Variants in LYPD8 observed in about 807,000 individuals in gnomAD.
LYPD8 encodes LY6/PLAUR domain containing 8.
A neutral mutation model predicts 1.7 loss-of-function variants in LYPD8; 8 were observed. That is an observed-to-expected ratio of 4.58 (90% CI 2.69 to 8.27). LYPD8 has a LOEUF of 8.27. LYPD8 is among the 30% of genes most tolerant of loss of function. The pLI is 0.00. For synonymous variants in LYPD8, 50 were observed against 43.6 expected, an observed-to-expected ratio of 1.15 and a Z score of -0.58; for missense variants, 112 against 102.3, an observed-to-expected ratio of 1.09 and a Z score of -0.41.
At chr1:248,752,818 TC>T (rs1662833375) in intron 2 of LYPD8, among the ~76,000 whole-genome samples, 2 of 25,414 alleles carry the variant, frequency 7.9e-5, no homozygotes, top group African/African-American at 2.2e-4. Context: ...CACACACACA[TC>T]ACATCACACA....
rs1251620759 is a variant in LYPD8 at position 248,739,494 on chromosome 1, A to G, written c.*117T>C. 2 of 1,406,868 alleles carry G rather than the reference A, an allele frequency of 1.4e-6. No homozygotes were observed. Among genetic ancestry groups the G allele is most frequent in the Non-Finnish European group, 9.6e-7 (1 of 1,043,040 alleles). The allele number at this position is 1,406,868 out of a possible 1,614,324, so 87.1% of individuals were successfully genotyped here. A position where few individuals can be genotyped will look rare whatever the true frequency, so the allele number is the denominator to read the frequency against. On this transcript the variant is annotated 3_prime_UTR_variant, in exon 7 of 7. Coordinates refer to ENST00000590317, the MANE Select transcript of LYPD8 (RefSeq NM_001085474.2). This position sits in a 1 kb window ranked among gnomAD's most constrained non-coding sequence, Gnocchi z 4.3. The stretch of plus-strand genomic sequence containing the variant: ...CATTGCCTGGAGACCTGTGACTCCC[A>G]CTTACTGGGCAGTTAAACGGGGCAG...
At chr1:248,751,180 C>T (rs1662795610) in intron 2 of LYPD8, 50 bp from the exon 3 acceptor site, 1 of 398,026 alleles carries the variant, frequency 2.5e-6, no homozygotes, top group South Asian at 1.3e-4. Context: ...GGCTGCCTCT[C>T]ATCCCCTGGG....
intron 6 of LYPD8, among the ~76,000 whole-genome samples, chr1:248,743,901 G>T (rs1165608017): frequency 1.3e-5 from 2 of 152,248 alleles, no homozygotes; most frequent in Non-Finnish European, 2.9e-5. Context: ...CCTGGACTCT[G>T]CAATGAACTG....
intron 2 of LYPD8, among the ~76,000 whole-genome samples, chr1:248,752,424 CTACT>C (rs1662813987): frequency 6.6e-6 from 1 of 151,826 alleles, no homozygotes; most frequent in South Asian, 2.1e-4. Context: ...ACAATAGCTG[CTACT>C]TACTGAAACA....
chr1:248,744,992 A>T, intron 6 of LYPD8, 150 bp downstream of exon 6: 1 of 386,156 alleles, frequency 2.6e-6, no homozygotes, highest in Non-Finnish European at 4.6e-6. Context: ...AGGCTACATG[A>T]GCAGCCACTG....
chr1:248,744,271 T>C (rs1486455654), intron 6 of LYPD8, among the ~76,000 whole-genome samples: 1 of 152,168 alleles, frequency 6.6e-6, no homozygotes, highest in Non-Finnish European at 1.5e-5. Flanking sequence ...AGATACTCAC[T>C]GAAGTGCCTG....
In LYPD8 at chr1:248,753,642, A is replaced by T. The variant is rs1307977270; in HGVS notation, c.-50+1597T>A. Among the ~76,000 whole-genome samples the T allele has an allele frequency of 6.6e-4, 85 of 128,494 alleles. 2 individuals carry two copies. The highest frequency in any genetic ancestry group is 2.5e-3 in the African/African-American group (78 of 31,758). The allele number at this position is 128,494 out of a possible 152,430, so 84.3% of individuals were successfully genotyped here. A position where few individuals can be genotyped will look rare whatever the true frequency, so the allele number is the denominator to read the frequency against. On this transcript the variant is annotated intron_variant, in intron 2 of 6. Coordinates refer to ENST00000590317, the MANE Select transcript of LYPD8 (RefSeq NM_001085474.2). Reference sequence around the variant, plus strand: ...ACACAACACACACAACACACCACACATATACATCACACACCACACACCCCA... The same window carrying T: ...ACACAACACACACAACACACCACACTTATACATCACACACCACACACCCCA...
chr1:248,750,653 C>G lies in LYPD8; in HGVS notation c.53-10G>C. 1 of 398,560 alleles carries G rather than the reference C, an allele frequency of 2.5e-6. No individual in the cohort carries two copies. Among genetic ancestry groups the G allele is most frequent in the Non-Finnish European group, 4.4e-6 (1 of 226,064 alleles). 24.7% of individuals were successfully genotyped at this position (398,560 alleles called of 1,614,324 possible). A position where few individuals can be genotyped will look rare whatever the true frequency, so the allele number is the denominator to read the frequency against. The stretch of plus-strand genomic sequence containing the variant: ...ACGCAGCTCAGAGATTCTGAGGAGA[C>G]AAGACATCCAACACCAGTCAACATT... On this transcript the variant is annotated splice_polypyrimidine_tract_variant and intron_variant, in intron 3 of 6. Transcript: ENST00000590317.
chr1:248,749,962 T>C (rs1383989562), intron 4 of LYPD8, among the ~76,000 whole-genome samples: 13 of 152,000 alleles, frequency 8.6e-5, no homozygotes, highest in Admixed American at 3.9e-4. Flanking sequence ...AAAATGTTAA[T>C]AACTGCTGAC....
At position 248,739,963 on chromosome 1, in the gene LYPD8, T is replaced by C; in HGVS notation, c.476-114A>G. ...TGGCCCGGTGACCAGCAAGAGCTGG[T>C]GTGCTCCTGAAGCCCAGGCAGGAAG... On this transcript the variant is annotated intron_variant, in intron 6 of 6. Coordinates refer to ENST00000590317, the MANE Select transcript of LYPD8 (RefSeq NM_001085474.2). The surrounding 1 kb of genome is among the most constrained non-coding windows in gnomAD (Gnocchi z 4.3). The C allele has an allele frequency of 1.4e-6, 2 of 1,395,200 alleles. No homozygotes were observed. Among genetic ancestry groups the C allele is most frequent in the South Asian group, 1.3e-5 (1 of 74,386 alleles). 86.4% of individuals were successfully genotyped at this position (1,395,200 alleles called of 1,614,324 possible). A position where few individuals can be genotyped will look rare whatever the true frequency, so the allele number is the denominator to read the frequency against.
chr1:248,752,773 CACA>C (rs1662828683), intron 2 of LYPD8, among the ~76,000 whole-genome samples: 1 of 116,638 alleles, frequency 8.6e-6, no homozygotes, highest in Non-Finnish European at 1.8e-5. Flanking sequence ...ACACACCCCA[CACA>C]ACACACACCA....
intron 4 of LYPD8, among the ~76,000 whole-genome samples, chr1:248,749,989 A>G (rs1263589312): frequency 6.6e-6 from 1 of 152,242 alleles, no homozygotes; most frequent in South Asian, 2.1e-4. Context: ...TAGTGGTTAC[A>G]TGGCAGTTCA....
At chr1:248,746,139 G>T (rs1662723366) in intron 5 of LYPD8, among the ~76,000 whole-genome samples, 1 of 152,098 alleles carries the variant, frequency 6.6e-6, no homozygotes, top group Non-Finnish European at 1.5e-5. Context: ...ATGTGTTTTG[G>T]TTATTTTGGC....
chr1:248,748,459 C>G lies in LYPD8; in HGVS notation c.173-6G>C, dbSNP rs1214601018. 3 of 403,822 alleles carry G rather than the reference C, an allele frequency of 7.4e-6. No homozygotes were observed. The highest frequency in any genetic ancestry group is 6.1e-5 in the African/African-American group (3 of 48,788). The allele number at this position is 403,822 out of a possible 1,614,324, so 25.0% of individuals were successfully genotyped here. A position where few individuals can be genotyped will look rare whatever the true frequency, so the allele number is the denominator to read the frequency against. On this transcript the variant is annotated splice_region_variant and splice_polypyrimidine_tract_variant and intron_variant, in intron 4 of 6. Transcript: ENST00000590317. ...GTATAATCTGACTGGTGTCTCTACA[C>G]AAAGACAAACACAGACTGTCAGCCC...
intron 6 of LYPD8, among the ~76,000 whole-genome samples, chr1:248,742,591 G>T (rs1263917231): frequency 7.5e-5 from 6 of 80,100 alleles, no homozygotes; most frequent in African/African-American, 2.9e-4. Context: ...TGGTGGGGAT[G>T]TTGGCAGTCG....
intron 6 of LYPD8, among the ~76,000 whole-genome samples, chr1:248,744,784 G>C (rs1286884543): frequency 1.3e-5 from 2 of 151,396 alleles, no homozygotes; most frequent in African/African-American, 4.9e-5. Flanking sequence ...TAAAAGTGTA[G>C]ATATAAAAGG....
Position 248,754,677 on chromosome 1 carries a change from G to T in LYPD8, c.-50+562C>A, listed in dbSNP as rs930114335. On this transcript the variant is annotated intron_variant, in intron 2 of 6. Coordinates refer to ENST00000590317, the MANE Select transcript of LYPD8 (RefSeq NM_001085474.2). ...CTGATACCCTGGTTGACTTATTAGA[G>T]ATTGGTAAAAAGGAAGGGAAACCAG... is the stretch of plus-strand genomic sequence containing the variant. 2.6e-3 allele frequency among the ~76,000 whole-genome samples: 398 copies of T among 152,282 alleles called. 1 individual carries two copies. Among genetic ancestry groups the T allele is most frequent in the African/African-American group, 9.1e-3 (379 of 41,532 alleles).
At chr1:248,741,720 A>G (rs1553283354) in intron 6 of LYPD8, among the ~76,000 whole-genome samples, 1 of 152,236 alleles carries the variant, frequency 6.6e-6, no homozygotes, top group Non-Finnish European at 1.5e-5. Context: ...AGAGAGAGAA[A>G]AATCTTTCTG....
At chr1:248,752,789 C>CT (rs1662830578) in intron 2 of LYPD8, among the ~76,000 whole-genome samples, 1 of 99,076 alleles carries the variant, frequency 1.0e-5, no homozygotes. Context: ...ACACACCACA[C>CT]ACACACCACA....
Sources: gnomAD v4.1 joint callset for allele counts (sites outside exome capture counted in the v4.1 genomes callset) on GRCh38, gnomAD v4.1.1 for gene constraint, Gnocchi (gnomAD v3.1) non-coding constraint, MANE v1.5 for transcripts, NCBI Gene and HGNC (gene_info 2026-07-23, HGNC 2026-07-21) for gene names.